Variants in RUNX1 observed in about 807,000 individuals in gnomAD.
RUNX1 encodes runt-related transcription factor 1.
In RUNX1, 19 loss-of-function variants were observed where a neutral mutation model predicts 42.8. The observed-to-expected ratio is 0.44, with a 90% CI of 0.31 to 0.65. The LOEUF is 0.65. RUNX1 is among the 30% of genes least tolerant of loss of function. RUNX1 has a pLI of 0.07. For synonymous variants in RUNX1, 271 were observed against 289.4 expected (o/e 0.94, Z 0.64); for missense variants, 528 against 672.0 (o/e 0.79, Z 2.37).
At position 34,898,969 on chromosome 21, in the gene RUNX1, A is replaced by C. The variant is rs146686962; in HGVS notation, c.59-6006T>G. Among the ~76,000 whole-genome samples the C allele has an allele frequency of 5.2e-3, 795 of 152,270 alleles. 10 individuals carry two copies. The highest frequency in any genetic ancestry group is 0.018 in the African/African-American group (766 of 41,552). ...CACTCTGTCACCCAGGCTGGAGTGC[A>C]GTGGCATGATCTCCACTCACTGCAA... On this transcript the variant is annotated intron_variant, in intron 2 of 8. Coordinates refer to ENST00000675419, the MANE Select transcript of RUNX1 (RefSeq NM_001754.5).
intron 6 of RUNX1, among the ~76,000 whole-genome samples, chr21:34,851,589 GT>G (rs1383886308): frequency 2.7e-5 from 4 of 150,936 alleles, no homozygotes; most frequent in African/African-American, 4.9e-5. Flanking sequence ...TGCAGACAGG[GT>G]TTTTTTTTTC....
chr21:34,844,986 T>C (rs1158089427), intron 6 of RUNX1, among the ~76,000 whole-genome samples: 1 of 152,154 alleles, frequency 6.6e-6, no homozygotes, highest in African/African-American at 2.4e-5. Flanking sequence ...CCCTCACAAA[T>C]AAGGCTTCCG....
intron 6 of RUNX1, among the ~76,000 whole-genome samples, chr21:34,836,104 A>C (rs1472468023): frequency 6.6e-6 from 1 of 152,230 alleles, no homozygotes. Context: ...AAAATGAGGA[A>C]AAACACTTAA....
rs1306990865 is a variant in RUNX1, at chr21:34,982,411, T to TGTG, written c.58+66428_58+66430dup. 4.0e-5 allele frequency among the ~76,000 whole-genome samples: 6 copies of TGTG among 151,614 alleles called. No homozygotes were observed. In the South Asian group the frequency reaches 1.0e-3, roughly 26 times the overall value. ...AAGTCAAAAGGGGTGTGTGTGTGTGTGTGTGTGACGGAAAGAAAGAGAAAG... is the reference window on the plus strand; with the variant it reads ...AAGTCAAAAGGGGTGTGTGTGTGTGTGTGGTGTGTGACGGAAAGAAAGAGAAAG... On this transcript the variant is annotated intron_variant, in intron 2 of 8. Coordinates refer to ENST00000675419, the MANE Select transcript of RUNX1 (RefSeq NM_001754.5).
intron 2 of RUNX1, among the ~76,000 whole-genome samples, chr21:35,023,767 G>T (rs1291323081): frequency 1.3e-5 from 2 of 152,186 alleles, no homozygotes; most frequent in African/African-American, 4.8e-5. Context: ...TTACAGGAGT[G>T]ACGGCTCACA....
intron 2 of RUNX1, among the ~76,000 whole-genome samples, chr21:34,930,291 T>C (rs550411614): frequency 7.2e-6 from 1 of 138,818 alleles, no homozygotes; most frequent in Admixed American, 7.2e-5. Context: ...TATATATATA[T>C]AAATAAATAA....
At chr21:34,973,137 T>A (rs962324266) in intron 2 of RUNX1, among the ~76,000 whole-genome samples, 5 of 152,172 alleles carry the variant, frequency 3.3e-5, no homozygotes, top group Admixed American at 3.3e-4. Context: ...TTAGAGACTA[T>A]CTCATAGTTT....
chr21:34,971,104 T>C (rs1250784574), intron 2 of RUNX1, among the ~76,000 whole-genome samples: 2 of 152,192 alleles, frequency 1.3e-5, no homozygotes, highest in African/African-American at 4.8e-5. Flanking sequence ...GAAGAATGTG[T>C]CCAAAATGCC....
intron 2 of RUNX1, among the ~76,000 whole-genome samples, chr21:34,923,598 T>G (rs774819137): frequency 6.6e-6 from 1 of 152,238 alleles, no homozygotes; most frequent in Non-Finnish European, 1.5e-5. Flanking sequence ...CCACGGGAAT[T>G]CAAGGTGCAC....
intron 2 of RUNX1, among the ~76,000 whole-genome samples, chr21:34,897,627 C>T (rs1033488328): frequency 6.6e-6 from 1 of 152,156 alleles, no homozygotes; most frequent in African/African-American, 2.4e-5. Flanking sequence ...GGTGGAACCA[C>T]CCCTTCCCTG....
intron 2 of RUNX1, among the ~76,000 whole-genome samples, chr21:34,975,626 G>A (rs1261882784): frequency 1.3e-5 from 2 of 152,140 alleles, no homozygotes; most frequent in Non-Finnish European, 2.9e-5. Flanking sequence ...ATAGTGTGTG[G>A]TGGAAAGTGC....
rs571328056 is a variant in RUNX1 at position 34,817,153 on chromosome 21, C to T, written c.805+17257G>A. Among the ~76,000 whole-genome samples the T allele has an allele frequency of 2.1e-4, 32 of 152,294 alleles. 1 individual carries two copies. The South Asian group carries it at 6.6e-3, about 32-fold the overall frequency. On this transcript the variant is annotated intron_variant, in intron 7 of 8. Transcript: ENST00000675419. The stretch of plus-strand genomic sequence containing the variant: ...CAACAGTGAGCACATTGGGTCTTCA[C>T]ACGTCACTCAAGGTCACATAGAGGG...
intron 6 of RUNX1, among the ~76,000 whole-genome samples, chr21:34,835,359 T>G (rs1246584477): frequency 1.3e-5 from 2 of 152,122 alleles, no homozygotes; most frequent in East Asian, 3.9e-4. Flanking sequence ...AGCTACAGCC[T>G]ATCTGGTGAG....
In RUNX1 at chr21:34,927,333, A is replaced by T. The variant is rs1198139468; in HGVS notation, c.59-34370T>A. Among the ~76,000 whole-genome samples the T allele has an allele frequency of 2.0e-5, 3 of 152,268 alleles. No individual in the cohort carries two copies. In the East Asian group the frequency reaches 5.8e-4, roughly 29 times the overall value. ...CACAAGACACCAAGCCACATGTGTG[A>T]TTTCTCTGGACTCGCACGTGTAGGG... On this transcript the variant is annotated intron_variant, in intron 2 of 8. Transcript: ENST00000675419.
intron 6 of RUNX1, among the ~76,000 whole-genome samples, chr21:34,852,170 AAAAC>A (rs2057430242): frequency 1.6e-5 from 1 of 64,506 alleles, no homozygotes; most frequent in South Asian, 6.0e-4. Flanking sequence ...TCTGTCTCAA[AAAAC>A]AAAACAAAAC....
At chr21:34,949,816 A>G (rs73900723) in intron 2 of RUNX1, among the ~76,000 whole-genome samples, 1 of 152,184 alleles carries the variant, frequency 6.6e-6, no homozygotes, top group Admixed American at 6.5e-5. Context: ...CAAGCAAGGA[A>G]CTAGGCCCTG....
intron 2 of RUNX1, among the ~76,000 whole-genome samples, chr21:34,982,027 G>A (rs964446596): frequency 2.6e-5 from 4 of 152,148 alleles, no homozygotes; most frequent in South Asian, 2.1e-4. Context: ...ATGCCAGTTC[G>A]CTGGGCACAT....
In RUNX1 at chr21:34,787,903, G is replaced by C. The variant is rs1158176571; in HGVS notation, c.*4232C>G. ...GTACAAAGAGAGGAAGGCTCTGGTG[G>C]CTCCTGAACAGCAGCAGTCCAGCTG... On this transcript the variant is annotated 3_prime_UTR_variant, in exon 9 of 9. Coordinates refer to ENST00000675419, the MANE Select transcript of RUNX1 (RefSeq NM_001754.5). The C allele has an allele frequency of 1.3e-5, 3 of 233,220 alleles. No individual in the cohort carries two copies. The highest frequency in any genetic ancestry group is 5.6e-5 in the Admixed American group (1 of 17,774). 14.4% of individuals were successfully genotyped at this position (233,220 alleles called of 1,614,324 possible).
chr21:35,045,659 T>G (rs2059390818), intron 2 of RUNX1, among the ~76,000 whole-genome samples: 1 of 152,080 alleles, frequency 6.6e-6, no homozygotes, highest in African/African-American at 2.4e-5. Context: ...CCTCCAGAAC[T>G]GTGTGAAAAT....
Sources: allele counts gnomAD v4.1 joint callset (sites outside exome capture counted in the v4.1 genomes callset), GRCh38; gene constraint gnomAD v4.1.1; transcripts MANE v1.5; gene names NCBI Gene and HGNC (gene_info 2026-07-23, HGNC 2026-07-21).